Variants in ANKS3 observed in about 807,000 individuals in gnomAD.
ANKS3 encodes the protein ankyrin repeat and SAM domain-containing protein 3.
Under a neutral mutation model 80.7 loss-of-function variants are expected in ANKS3, and 62 were observed. That is an observed-to-expected ratio of 0.77 (90% confidence interval 0.63 to 0.95). The LOEUF (loss-of-function observed/expected upper bound fraction) is 0.95. Ranked by LOEUF, ANKS3 falls within the 40% of genes least tolerant of loss-of-function variation. The pLI, the probability that ANKS3 is intolerant of heterozygous loss-of-function variation, is 0.00. For synonymous variants in ANKS3, 489 were observed against 355.3 expected (o/e 1.38, Z -4.23); for missense variants, 1,150 against 883.6 (o/e 1.30, Z -3.82).
chr16:4,700,749 G>A (rs1241483902), intron 11 of ANKS3: 2 of 740,290 alleles, frequency 2.7e-6, no homozygotes, highest in Non-Finnish European at 4.8e-6. Context: ...AAAGCAGGGA[G>A]ACAGGTCCTT....
intron 1 of ANKS3, among the ~76,000 whole-genome samples, chr16:4,733,687 T>G (rs577238606): frequency 6.6e-6 from 1 of 152,342 alleles, no homozygotes; most frequent in Admixed American, 6.5e-5. Context: ...ATTTTACATG[T>G]GATTATTACG....
chr16:4,724,370 G>C (rs2081251502), intron 6 of ANKS3, among the ~76,000 whole-genome samples: 1 of 152,246 alleles, frequency 6.6e-6, no homozygotes, highest in Non-Finnish European at 1.5e-5. Flanking sequence ...CAGAGGAAAA[G>C]TCCTAGGGCA....
chr16:4,701,677 T>C, intron 9 of ANKS3, 134 bp from the exon 10 acceptor site: 1 of 700,324 alleles, frequency 1.4e-6, no homozygotes, highest in Non-Finnish European at 2.3e-6. Context: ...ATTTCAAACT[T>C]CCTGCCTGTC....
chr16:4,699,769 G>A (rs1316120766), intron 11 of ANKS3: 1 of 154,998 alleles, frequency 6.5e-6, no homozygotes, highest in Non-Finnish European at 1.4e-5. Context: ...CCTCAAGCGA[G>A]ATGATCTCAG....
At chr16:4,723,608 C>A (rs993711902) in intron 6 of ANKS3, among the ~76,000 whole-genome samples, 1 of 152,240 alleles carries the variant, frequency 6.6e-6, no homozygotes, top group Non-Finnish European at 1.5e-5. Context: ...CATCAGGGTT[C>A]ACCCCTGCCG....
At chr16:4,722,282 G>A (rs1367199574) in intron 6 of ANKS3, among the ~76,000 whole-genome samples, 3 of 151,350 alleles carry the variant, frequency 2.0e-5, no homozygotes, top group African/African-American at 4.8e-5. Flanking sequence ...CAGCTCGTAA[G>A]AGAAATACAA....
Position 4,731,540 on chromosome 16 carries a change from C to G in ANKS3, c.-31G>C, listed in dbSNP as rs1302979915. On this transcript the variant is annotated 5_prime_UTR_variant, in exon 2 of 18. It removes the in-frame stop codon of an upstream open reading frame in the 5' UTR. Transcript: ENST00000304283. ...AGGTGATCCGCCCGCCTCAGCCTCT[C>G]AAAGTCCTGGAAATATAGGCGTGAG... The G allele has an allele frequency of 1.3e-6, 1 of 786,250 alleles. No homozygotes were observed. The highest frequency in any genetic ancestry group is 1.3e-4 in the East Asian group (1 of 7,896). The allele number at this position is 786,250 out of a possible 1,614,324, so 48.7% of individuals were successfully genotyped here.
intron 2 of ANKS3, among the ~76,000 whole-genome samples, chr16:4,730,545 G>T (rs570914476): frequency 4.9e-4 from 74 of 152,242 alleles, no homozygotes; most frequent in Admixed American, 4.8e-3. Context: ...ATGTGGTGGG[G>T]AAGAACCCTG....
At chr16:4,701,895 G>A in intron 9 of ANKS3, 4 of 595,908 alleles carry the variant, frequency 6.7e-6, no homozygotes, top group Non-Finnish European at 1.1e-5. Context: ...TGTTGCTGTG[G>A]AACGGCTCCC....
chr16:4,714,627 G>A (rs899111176), intron 6 of ANKS3, among the ~76,000 whole-genome samples: 1 of 152,236 alleles, frequency 6.6e-6, no homozygotes. Flanking sequence ...TACAGGTCTT[G>A]CAGCGCAACA....
chr16:4,700,577 C>A (rs560857125), intron 11 of ANKS3: 124 of 361,786 alleles, frequency 3.4e-4, no homozygotes, highest in Middle Eastern at 9.3e-4. Context: ...AGAGGGACCA[C>A]AGAAAGGAGG....
At chr16:4,697,761 C>A (rs373382121) in intron 15 of ANKS3, among the ~76,000 whole-genome samples, 2 of 152,200 alleles carry the variant, frequency 1.3e-5, no homozygotes, top group Non-Finnish European at 2.9e-5. Flanking sequence ...ACCTCCTACC[C>A]CTGGGGGATA....
At chr16:4,725,969 CTGT>C (rs1253116779) in intron 5 of ANKS3, among the ~76,000 whole-genome samples, 2 of 115,868 alleles carry the variant, frequency 1.7e-5, no homozygotes, top group East Asian at 5.1e-4. Context: ...AAACTCATGA[CTGT>C]TGTTTTTGTT....
Position 4,712,199 on chromosome 16 carries a change from C to T in ANKS3, c.709+1852G>A, listed in dbSNP as rs548149773. On this transcript the variant is annotated intron_variant, in intron 7 of 17. Coordinates refer to ENST00000304283, the MANE Select transcript of ANKS3 (RefSeq NM_133450.4). The stretch of plus-strand genomic sequence containing the variant: ...CAGCCTGGCCAACATGGTGAAACCC[C>T]GTCTCTACTAAAAATACAAAAATTA... Among the ~76,000 whole-genome samples the T allele has an allele frequency of 2.3e-4, 35 of 152,012 alleles. No individual in the cohort carries two copies. The South Asian group carries it at 6.8e-3, about 30-fold the overall frequency.
intron 8 of ANKS3, among the ~76,000 whole-genome samples, chr16:4,702,954 G>C (rs2079996920): frequency 1.3e-5 from 2 of 152,154 alleles, no homozygotes; most frequent in Non-Finnish European, 2.9e-5. Context: ...AGTGAGCTAT[G>C]ATCGTGCCAC....
In ANKS3 at chr16:4,726,991, G is replaced by GTA; in HGVS notation, c.355_356dup (p.Phe120ThrfsTer10). 1 of 1,614,156 alleles carries GTA rather than the reference G, an allele frequency of 6.2e-7. No individual in the cohort carries two copies. Among genetic ancestry groups the GTA allele is most frequent in the African/African-American group, 1.3e-5 (1 of 75,060 alleles). ...CCTCGTAGCTCACCTGGAGAAGAAA[G>GTA]TAGGCGATGCTCTCGTTGCCACAGC... On this transcript the variant is annotated frameshift_variant, in exon 4 of 18. Transcript: ENST00000304283. LOFTEE classifies it high-confidence loss of function.
At chr16:4,728,001 C>G (rs1472166659) in intron 3 of ANKS3, 1 of 152,240 alleles carries the variant, frequency 6.6e-6, no homozygotes, top group African/African-American at 2.4e-5. Context: ...GAGGGGATAA[C>G]AACTGGTGAC....
chr16:4,697,363 C>G lies in ANKS3; in HGVS notation c.1864G>C (p.Gly622Arg). The change falls in exon 16 of 18, where the codon GGA becomes CGA. Residue 622 changes from glycine to arginine, a missense_variant. Transcript: ENST00000304283. ...TCACGGACACGGTCCTCCAGGGCTC[C>G]CGAGAGCTCGGGGAGGCTCATGGCC... ...LQAMSLPELSGALEDRVREMG... is the reference protein window; with the variant it reads ...LQAMSLPELSRALEDRVREMG... The G allele has an allele frequency of 6.2e-7, 1 of 1,610,190 alleles. No individual in the cohort carries two copies. The highest frequency in any genetic ancestry group is 8.5e-7 in the Non-Finnish European group (1 of 1,177,956).
In ANKS3 at chr16:4,705,136, G is replaced by C. The variant is rs755506268; in HGVS notation, c.827C>G (p.Thr276Arg). The change falls in exon 8 of 18, where the codon ACA becomes AGA. Residue 276 changes from threonine (T) to arginine (R), a missense_variant. Thr to Arg is a moderately conservative substitution (Grantham distance 71). Transcript: ENST00000304283. ...GGCTCTGCCGCCCAGGCCAATGCCT[G>C]TGATCCTGGCCAGGGCTCGCGGTCC... ...HEGPRALARITGIGLGGRAPR... is the reference protein window; with the variant it reads ...HEGPRALARIRGIGLGGRAPR... 1 of 1,613,448 alleles carries C rather than the reference G, an allele frequency of 6.2e-7. No homozygotes were observed.
Sources: gnomAD v4.1 joint callset for allele counts (sites outside exome capture counted in the v4.1 genomes callset) on GRCh38, gnomAD v4.1.1 for gene constraint, MANE v1.5 for transcripts, NCBI Gene and HGNC (gene_info 2026-07-23, HGNC 2026-07-21) for gene names.